Variants in BORCS5 observed in about 807,000 individuals in gnomAD.
The protein encoded by BORCS5 is BLOC-1 related complex subunit 5.
In BORCS5, 17 loss-of-function variants were observed where a neutral mutation model predicts 22.1. The observed-to-expected ratio is 0.77, with a 90% CI of 0.53 to 1.15. The LOEUF (loss-of-function observed/expected upper bound fraction) is 1.15, where lower values mean the gene tolerates loss of function less well. Among genes scored for constraint, BORCS5 ranks in the 50% most tolerant of loss-of-function variants. BORCS5 has a pLI of 0.00. For missense variants in BORCS5, 247 were observed against 253.2 expected (o/e 0.98, Z 0.17); for synonymous variants, 117 against 99.8 (o/e 1.17, Z -1.03).
intron 2 of BORCS5, among the ~76,000 whole-genome samples, chr12:12,423,540 GGTTTTTT>G (rs891683338): frequency 1.1e-4 from 13 of 123,004 alleles, no homozygotes; most frequent in African/African-American, 2.5e-4. Flanking sequence ...TTGGTTGACA[GGTTTTTT>G]GTTTTTTGTT....
intron 2 of BORCS5, among the ~76,000 whole-genome samples, chr12:12,367,966 C>T (rs770357724): frequency 6.6e-6 from 1 of 152,136 alleles, no homozygotes; most frequent in Non-Finnish European, 1.5e-5. Context: ...ATTCAGTTGC[C>T]CTCTTGGCTA....
chr12:12,440,869 G>A (rs1453942028), intron 3 of BORCS5, among the ~76,000 whole-genome samples: 1 of 152,198 alleles, frequency 6.6e-6, no homozygotes, highest in African/African-American at 2.4e-5. Context: ...CAGAAAGTAA[G>A]CACTTCGCCC....
chr12:12,392,182 A>G (rs1941210943), intron 2 of BORCS5, among the ~76,000 whole-genome samples: 1 of 151,936 alleles, frequency 6.6e-6, no homozygotes, highest in African/African-American at 2.4e-5. Context: ...ACAAATACAC[A>G]CTACTCAAAT....
intron 2 of BORCS5, among the ~76,000 whole-genome samples, chr12:12,419,853 G>T (rs2136102883): frequency 6.6e-6 from 1 of 152,286 alleles, no homozygotes; most frequent in Non-Finnish European, 1.5e-5. Context: ...CTTTTGAGGA[G>T]TGTCTGTTCA....
At chr12:12,437,259 A>G (rs1351288957) in intron 3 of BORCS5, among the ~76,000 whole-genome samples, 3 of 152,336 alleles carry the variant, frequency 2.0e-5, no homozygotes, top group Non-Finnish European at 4.4e-5. Context: ...GAGTTCCCCT[A>G]CACAAGCTCT....
At chr12:12,448,091 C>T (rs1033012841) in intron 3 of BORCS5, among the ~76,000 whole-genome samples, 1 of 152,182 alleles carries the variant, frequency 6.6e-6, no homozygotes, top group African/African-American at 2.4e-5. Context: ...AATGTGTTCC[C>T]GGTTACACAG....
intron 2 of BORCS5, among the ~76,000 whole-genome samples, chr12:12,395,564 G>A (rs1941318350): frequency 6.6e-6 from 1 of 151,508 alleles, no homozygotes; most frequent in South Asian, 2.1e-4. Flanking sequence ...CGGGATTACA[G>A]GGGTGAGCTA....
intron 2 of BORCS5, among the ~76,000 whole-genome samples, chr12:12,395,435 A>ATTTT (rs59277387): frequency 1.9e-4 from 21 of 107,836 alleles, no homozygotes; most frequent in African/African-American, 6.9e-4. Context: ...CACCCAGCTA[A>ATTTT]TTTTTTTTTT....
At chr12:12,455,844 TTTAAAC>T (rs1337452396) in intron 3 of BORCS5, among the ~76,000 whole-genome samples, 1 of 152,174 alleles carries the variant, frequency 6.6e-6, no homozygotes, top group Non-Finnish European at 1.5e-5. Flanking sequence ...TAACATTTCT[TTTAAAC>T]TTAAGTATTT....
Position 12,357,140 on chromosome 12 carries a change from C to A in BORCS5, c.-312C>A, listed in dbSNP as rs12826711. The A allele has an allele frequency of 1.3e-6, 2 of 1,533,380 alleles. No individual in the cohort carries two copies. Among genetic ancestry groups the A allele is most frequent in the Non-Finnish European group, 1.7e-6 (2 of 1,145,794 alleles). 95.0% of individuals were successfully genotyped at this position (1,533,380 alleles called of 1,614,324 possible). On this transcript the variant is annotated 5_prime_UTR_variant, in exon 1 of 4. Coordinates refer to ENST00000314565, the MANE Select transcript of BORCS5 (RefSeq NM_058169.6). Reference sequence around the variant, plus strand: ...ACCAGTGAGTGAAAGCGGCGCCGCCCGCCGGCCGCAGGTGCGGCAAAGCCA... The same window carrying A: ...ACCAGTGAGTGAAAGCGGCGCCGCCAGCCGGCCGCAGGTGCGGCAAAGCCA...
In BORCS5 at chr12:12,470,072, TG is replaced by T. The variant is rs1318643506; in HGVS notation, c.*4297del. On this transcript the variant is annotated 3_prime_UTR_variant, in exon 4 of 4. Coordinates refer to ENST00000314565, the MANE Select transcript of BORCS5 (RefSeq NM_058169.6). ...GATGAGCAGGTGAAGCTTCACGTGT[TG>T]TTGTTGTTGTTTATTGAGATGGAGT... 1.3e-5 allele frequency among the ~76,000 whole-genome samples: 2 copies of T among 151,822 alleles called. No individual in the cohort carries two copies. Among genetic ancestry groups the T allele is most frequent in the African/African-American group, 2.4e-5 (1 of 41,306 alleles).
At chr12:12,389,521 T>C (rs1941114572) in intron 2 of BORCS5, among the ~76,000 whole-genome samples, 1 of 142,418 alleles carries the variant, frequency 7.0e-6, no homozygotes. Context: ...CAACTGAAGT[T>C]ATGTGATTCC....
At chr12:12,385,759 C>T (rs561393236) in intron 2 of BORCS5, among the ~76,000 whole-genome samples, 7 of 151,254 alleles carry the variant, frequency 4.6e-5, no homozygotes, top group South Asian at 2.1e-4. Flanking sequence ...CCGCCTGCCT[C>T]GGCCTCCCCA....
chr12:12,416,588 A>G lies in BORCS5; in HGVS notation c.203-19040A>G, dbSNP rs866619529. On this transcript the variant is annotated intron_variant, in intron 2 of 3. Transcript: ENST00000314565. ...CCTCCCAGTAACTGAGACTACAGAC[A>G]CACACCATTATGCCTGGCTAATTTT... Among the ~76,000 whole-genome samples, 8 of 151,890 alleles carry G rather than the reference A, an allele frequency of 5.3e-5. No homozygotes were observed. In the Middle Eastern group the frequency reaches 0.014, roughly 258 times the overall value.
chr12:12,396,317 C>T (rs1022236224), intron 2 of BORCS5, among the ~76,000 whole-genome samples: 1 of 152,200 alleles, frequency 6.6e-6, no homozygotes, highest in Admixed American at 6.5e-5. Flanking sequence ...GGCCTTGTGG[C>T]CTTGCAAAAC....
chr12:12,389,137 T>TTC (rs1334594685), intron 2 of BORCS5, among the ~76,000 whole-genome samples: 1 of 140,206 alleles, frequency 7.1e-6, no homozygotes, highest in Non-Finnish European at 1.5e-5. Flanking sequence ...AGTAAGTACT[T>TTC]TTTTTTTTTT....
chr12:12,417,931 C>T (rs914914941), intron 2 of BORCS5, among the ~76,000 whole-genome samples: 36 of 151,672 alleles, frequency 2.4e-4, no homozygotes, highest in Admixed American at 1.5e-3. Context: ...CATGAGCCAC[C>T]ACACTTGATT....
chr12:12,465,889 A>C lies in BORCS5; in HGVS notation c.*113A>C. 4 of 861,190 alleles carry C rather than the reference A, an allele frequency of 4.6e-6. No individual in the cohort carries two copies. The East Asian group carries it at 1.1e-4, about 23-fold the overall frequency. The allele number at this position is 861,190 out of a possible 1,614,324, so 53.3% of individuals were successfully genotyped here. A position where few individuals can be genotyped will look rare whatever the true frequency, so the allele number is the denominator to read the frequency against. ...CTGGAGGCTGGCGGGAGGCTCCCTG[A>C]AAGTGGGTGCGAAGGAGTCCGGCTG... On this transcript the variant is annotated 3_prime_UTR_variant, in exon 4 of 4. Coordinates refer to ENST00000314565, the MANE Select transcript of BORCS5 (RefSeq NM_058169.6).
intron 3 of BORCS5, among the ~76,000 whole-genome samples, chr12:12,443,913 C>T (rs1942734010): frequency 6.6e-6 from 1 of 152,236 alleles, no homozygotes; most frequent in African/African-American, 2.4e-5. Flanking sequence ...CCCATGCAGC[C>T]TCCTCTCTTG....
Sources: allele counts gnomAD v4.1 joint callset (sites outside exome capture counted in the v4.1 genomes callset), GRCh38; gene constraint gnomAD v4.1.1; transcripts MANE v1.5; gene names NCBI Gene and HGNC (gene_info 2026-07-23, HGNC 2026-07-21).